Variants in GAPT observed in about 807,000 individuals in gnomAD.
GAPT encodes protein GAPT.
For synonymous variants in GAPT, 82 were observed against 69.7 expected (o/e 1.18, Z -0.88); for missense variants, 206 against 189.2 (o/e 1.09, Z -0.52).
chr5:58,496,060 C>T lies in GAPT; in HGVS notation c.*1050C>T, dbSNP rs1290780172. ...AGCCTGCTTCAGATCATAAGTTCTTCCACACATCTCCTGAATCACTCCAAA... is the reference window on the plus strand; with the variant it reads ...AGCCTGCTTCAGATCATAAGTTCTTTCACACATCTCCTGAATCACTCCAAA... On this transcript the variant is annotated 3_prime_UTR_variant, in exon 3 of 3. Coordinates refer to ENST00000502276, the MANE Select transcript of GAPT (RefSeq NM_001304431.2). The T allele has an allele frequency of 6.0e-6, 1 of 167,042 alleles. No individual in the cohort carries two copies. Among genetic ancestry groups the T allele is most frequent in the Non-Finnish European group, 1.5e-5 (1 of 68,114 alleles). The allele number at this position is 167,042 out of a possible 1,614,324, so 10.3% of individuals were successfully genotyped here.
rs1744395750 is a variant in GAPT at position 58,494,838 on chromosome 5, C to T, written c.302C>T (p.Pro101Leu). Residue 101 changes from proline to leucine, a missense_variant, in exon 3 of 3, where the codon CCC becomes CTC. Coordinates refer to ENST00000502276, the MANE Select transcript of GAPT (RefSeq NM_001304431.2). ...DNYENVEAGPPKAKGKTDKEL... is the reference protein window; with the variant it reads ...DNYENVEAGPLKAKGKTDKEL... ...TATGAAAATGTGGAAGCAGGTCCTCCCAAAGCTAAAGGAAAAACCGATAAG... is the reference window on the plus strand; with the variant it reads ...TATGAAAATGTGGAAGCAGGTCCTCTCAAAGCTAAAGGAAAAACCGATAAG... 1.2e-6 allele frequency: 2 copies of T among 1,613,958 alleles called. No individual in the cohort carries two copies. Among genetic ancestry groups the T allele is most frequent in the Non-Finnish European group, 8.5e-7 (1 of 1,179,954 alleles).
At position 58,494,741 on chromosome 5, in the gene GAPT, T is replaced by C. The variant is rs764949522; in HGVS notation, c.205T>C (p.Leu69=). Residue 69 remains leucine (L), a synonymous_variant, in exon 3 of 3, where the codon TTA becomes CTA. Transcript: ENST00000502276. ...ATTCTTGGGCCCCCGCATCATTGGCTTAAGGCATGAAATCTCAGTTGAAAC... is the reference window on the plus strand; with the variant it reads ...ATTCTTGGGCCCCCGCATCATTGGCCTAAGGCATGAAATCTCAGTTGAAAC... ...KTFLGPRIIG[L]RHEISVETQD... is the part of the protein sequence containing the mutation. 1 of 1,613,978 alleles carries C rather than the reference T, an allele frequency of 6.2e-7. No individual in the cohort carries two copies. The highest frequency in any genetic ancestry group is 8.5e-7 in the Non-Finnish European group (1 of 1,179,958).
chr5:58,493,495 A>G (rs1379876829), intron 1 of GAPT: 2 of 152,216 alleles, frequency 1.3e-5, no homozygotes, highest in Non-Finnish European at 2.9e-5. Context: ...TCATGTTTTA[A>G]GTATAAACTA....
chr5:58,491,942 T>C (rs554760508), intron 1 of GAPT, among the ~76,000 whole-genome samples: 2 of 152,238 alleles, frequency 1.3e-5, no homozygotes, highest in Non-Finnish European at 2.9e-5. Flanking sequence ...GTTTAAAATA[T>C]GTTTTTCATT....
chr5:58,492,608 A>C (rs1010658078), intron 1 of GAPT, among the ~76,000 whole-genome samples: 1 of 152,146 alleles, frequency 6.6e-6, no homozygotes, highest in African/African-American at 2.4e-5. Context: ...TATTTTTATC[A>C]AAAAATTGTA....
intron 1 of GAPT, among the ~76,000 whole-genome samples, chr5:58,492,695 C>A (rs1018288552): frequency 9.2e-5 from 14 of 152,086 alleles, no homozygotes; most frequent in African/African-American, 3.1e-4. Flanking sequence ...TATATTCTAA[C>A]CTTGGACAAA....
At position 58,494,467 on chromosome 5, in the gene GAPT, C is replaced by T; in HGVS notation, c.-70C>T. 7.8e-7 allele frequency: 1 copy of T among 1,286,614 alleles called. No individual in the cohort carries two copies. Among genetic ancestry groups the T allele is most frequent in the Non-Finnish European group, 1.1e-6 (1 of 928,538 alleles). 79.7% of individuals were successfully genotyped at this position (1,286,614 alleles called of 1,614,324 possible). ...AAACTCATTTTTGAATAATACTAGG[C>T]TACAAAGAATTACACTGTGAATTCA... is the stretch of plus-strand genomic sequence containing the variant. On this transcript the variant is annotated 5_prime_UTR_variant, in exon 3 of 3. Transcript: ENST00000502276.
chr5:58,491,677 C>T (rs1744262728), intron 1 of GAPT, 136 bp downstream of exon 1: 1 of 152,058 alleles, frequency 6.6e-6, no homozygotes, highest in Admixed American at 6.6e-5. Context: ...AGGGGGAAAC[C>T]CAATTTACAA....
rs1744419322 is a variant in GAPT, at chr5:58,495,346, G to A, written c.*336G>A. The A allele has an allele frequency of 4.2e-6, 1 of 238,700 alleles. No individual in the cohort carries two copies. Among genetic ancestry groups the A allele is most frequent in the Admixed American group, 5.1e-5 (1 of 19,548 alleles). 14.8% of individuals were successfully genotyped at this position (238,700 alleles called of 1,614,324 possible). ...GGAAAAAAAAAATATCAGGTACTATGCTTAGTACACACATGATGAAATAAT... is the reference window on the plus strand; with the variant it reads ...GGAAAAAAAAAATATCAGGTACTATACTTAGTACACACATGATGAAATAAT... On this transcript the variant is annotated 3_prime_UTR_variant, in exon 3 of 3. Coordinates refer to ENST00000502276, the MANE Select transcript of GAPT (RefSeq NM_001304431.2).
rs1398533255 is a variant in GAPT, at chr5:58,494,595, T to G, written c.59T>G (p.Leu20Ter). Residue 20 changes from leucine (L) to a stop codon, truncating the protein, a stop_gained, in exon 3 of 3, where the codon TTA (leucine) becomes TGA (stop). Transcript: ENST00000502276. LOFTEE classifies it low-confidence loss of function (END_TRUNC). Reference protein sequence around the residue: ...AAISVGISLLLLLVVCGIGCV... With the variant: ...AAISVGISLL Reference sequence around the variant, plus strand: ...ATTTCTGTAGGAATTTCGCTTCTTTTACTCTTAGTGGTTTGTGGAATTGGG... The same window carrying G: ...ATTTCTGTAGGAATTTCGCTTCTTTGACTCTTAGTGGTTTGTGGAATTGGG... 6.2e-7 allele frequency: 1 copy of G among 1,613,632 alleles called. No individual in the cohort carries two copies.
Position 58,496,425 on chromosome 5 carries a change from G to A in GAPT, c.*1415G>A, listed in dbSNP as rs548833409. On this transcript the variant is annotated 3_prime_UTR_variant, in exon 3 of 3. Transcript: ENST00000502276. ...GCTGTGCACCTGAGGGACATGGGTT[G>A]GTGGAGGGGTTACAAAATTAAAAAG... 2 of 167,196 alleles carry A rather than the reference G, an allele frequency of 1.2e-5. No homozygotes were observed. The highest frequency in any genetic ancestry group is 1.9e-4 in the East Asian group (1 of 5,186). 10.4% of individuals were successfully genotyped at this position (167,196 alleles called of 1,614,324 possible). A position where few individuals can be genotyped will look rare whatever the true frequency, so the allele number is the denominator to read the frequency against.
chr5:58,495,263 G>A lies in GAPT; in HGVS notation c.*253G>A. On this transcript the variant is annotated 3_prime_UTR_variant, in exon 3 of 3. Coordinates refer to ENST00000502276, the MANE Select transcript of GAPT (RefSeq NM_001304431.2). ...TAAGAACACATGGAGAGAAGGAGAGGAACAACAGACACTGGGGCCTACTTG... is the reference window on the plus strand; with the variant it reads ...TAAGAACACATGGAGAGAAGGAGAGAAACAACAGACACTGGGGCCTACTTG... 3.7e-5 allele frequency: 13 copies of A among 348,126 alleles called. No homozygotes were observed. The highest frequency in any genetic ancestry group is 4.5e-5 in the Admixed American group (1 of 22,372). The allele number at this position is 348,126 out of a possible 1,614,324, so 21.6% of individuals were successfully genotyped here. A position where few individuals can be genotyped will look rare whatever the true frequency, so the allele number is the denominator to read the frequency against.
chr5:58,494,369 C>T lies in GAPT; in HGVS notation c.-168C>T, dbSNP rs1744365294. 1.7e-6 allele frequency: 1 copy of T among 589,332 alleles called. No homozygotes were observed. The allele number at this position is 589,332 out of a possible 1,614,324, so 36.5% of individuals were successfully genotyped here. A position where few individuals can be genotyped will look rare whatever the true frequency, so the allele number is the denominator to read the frequency against. ...CAGAAATAAGTTTATACACTCTCTC[C>T]TCTAATTGCATCAGGACTTTACCAG... is the stretch of plus-strand genomic sequence containing the variant. On this transcript the variant is annotated 5_prime_UTR_variant, in exon 3 of 3. Transcript: ENST00000502276.
In GAPT at chr5:58,494,542, GA is replaced by G. The variant is rs1281916172; in HGVS notation, c.10del (p.Ser4AlafsTer6). ...ACAGCACTGTTTGTACAGAAATGTC[GA>G]AAAGCTGTGGAAATAATTTAGCGGC... The part of the protein sequence containing the change: MS[K>X]SCGNNLAAIS... On this transcript the variant is annotated frameshift_variant, in exon 3 of 3. Transcript: ENST00000502276. LOFTEE classifies it low-confidence loss of function (END_TRUNC). 1 of 1,606,348 alleles carries G rather than the reference GA, an allele frequency of 6.2e-7. No individual in the cohort carries two copies. Among genetic ancestry groups the G allele is most frequent in the Non-Finnish European group, 8.5e-7 (1 of 1,175,774 alleles).
chr5:58,494,604 T>C lies in GAPT; in HGVS notation c.68T>C (p.Val23Ala), dbSNP rs772097635. 3.7e-6 allele frequency: 6 copies of C among 1,613,900 alleles called. No homozygotes were observed. In the Admixed American group the frequency reaches 8.3e-5, roughly 22 times the overall value. Residue 23 changes from valine (V) to alanine (A), a missense_variant, in exon 3 of 3, where the codon GTG becomes GCG. Coordinates refer to ENST00000502276, the MANE Select transcript of GAPT (RefSeq NM_001304431.2). ...GGAATTTCGCTTCTTTTACTCTTAG[T>C]GGTTTGTGGAATTGGGTGTGTTTGG... ...SVGISLLLLL[V>A]VCGIGCVWHW...
Position 58,495,089 on chromosome 5 carries a change from C to A in GAPT, c.*79C>A. On this transcript the variant is annotated 3_prime_UTR_variant, in exon 3 of 3. Coordinates refer to ENST00000502276, the MANE Select transcript of GAPT (RefSeq NM_001304431.2). ...TCAACAGCAAAGACAAGGAATCAAA[C>A]TAAATGTTGATCAACTGTAGACTGG... 1.1e-6 allele frequency: 1 copy of A among 875,612 alleles called. No individual in the cohort carries two copies. The highest frequency in any genetic ancestry group is 1.8e-6 in the Non-Finnish European group (1 of 570,520). 54.2% of individuals were successfully genotyped at this position (875,612 alleles called of 1,614,324 possible). A position where few individuals can be genotyped will look rare whatever the true frequency, so the allele number is the denominator to read the frequency against.
chr5:58,494,654 C>T lies in GAPT; in HGVS notation c.118C>T (p.Arg40Ter), dbSNP rs766378698. ...VWHWKHRVAT[R>*]FTLPRFLQRR... ...GCACTGGAAACACCGTGTTGCCACACGATTTACCTTACCGAGGTTTTTACA... is the reference window on the plus strand; with the variant it reads ...GCACTGGAAACACCGTGTTGCCACATGATTTACCTTACCGAGGTTTTTACA... Residue 40 changes from arginine to a stop codon, truncating the protein, a stop_gained, in exon 3 of 3, where the codon CGA becomes TGA. Coordinates refer to ENST00000502276, the MANE Select transcript of GAPT (RefSeq NM_001304431.2). LOFTEE classifies it low-confidence loss of function (END_TRUNC). The T allele has an allele frequency of 5.6e-6, 9 of 1,613,884 alleles. No homozygotes were observed. Among genetic ancestry groups the T allele is most frequent in the Admixed American group, 5.0e-5 (3 of 59,930 alleles).
chr5:58,492,176 T>C (rs1744276593), intron 1 of GAPT, among the ~76,000 whole-genome samples: 1 of 152,206 alleles, frequency 6.6e-6, no homozygotes, highest in South Asian at 2.1e-4. Flanking sequence ...GAGTAATTTA[T>C]TGCCTTATCC....
In GAPT at chr5:58,496,310, G is replaced by T. The variant is rs1262415197; in HGVS notation, c.*1300G>T. On this transcript the variant is annotated 3_prime_UTR_variant, in exon 3 of 3. Transcript: ENST00000502276. The stretch of plus-strand genomic sequence containing the variant: ...CGGGAATTGAATTGTACATTTTGCT[G>T]AGTAGTTTTGAGAAAAAAATCTAAT... 1.2e-5 allele frequency: 2 copies of T among 165,632 alleles called. No individual in the cohort carries two copies. Among genetic ancestry groups the T allele is most frequent in the African/African-American group, 2.4e-5 (1 of 41,420 alleles). 10.3% of individuals were successfully genotyped at this position (165,632 alleles called of 1,614,324 possible). A position where few individuals can be genotyped will look rare whatever the true frequency, so the allele number is the denominator to read the frequency against.
Sources: allele counts gnomAD v4.1 joint callset (sites outside exome capture counted in the v4.1 genomes callset), GRCh38; gene constraint gnomAD v4.1.1; transcripts MANE v1.5; gene names NCBI Gene and HGNC (gene_info 2026-07-23, HGNC 2026-07-21).